TAFA1: variants seen among roughly 807,000 people sequenced by gnomAD.
TAFA1 encodes TAFA chemokine like family member 1, also known as chemokine-like protein TAFA-1.
TAFA1 carries 4 observed loss-of-function variants against 18.5 expected under a neutral mutation model. That is an observed-to-expected ratio of 0.22 (90% CI 0.11 to 0.49). The LOEUF (loss-of-function observed/expected upper bound fraction) is 0.49, where lower values mean the gene tolerates loss of function less well. Ranked by LOEUF, TAFA1 falls within the 20% of genes least tolerant of loss-of-function variation. TAFA1 has a pLI of 0.98. For missense variants in TAFA1, 147 were observed against 169.0 expected (o/e 0.87, Z 0.72); for synonymous variants, 56 against 55.2 (o/e 1.01, Z -0.06).
At chr3:68,193,884 T>C (rs1381652677) in intron 2 of TAFA1, among the ~76,000 whole-genome samples, 1 of 151,716 alleles carries the variant, frequency 6.6e-6, no homozygotes, top group Non-Finnish European at 1.5e-5. Flanking sequence ...TGTAGGTTTG[T>C]GGGTTTGCAG....
chr3:68,226,227 G>T (rs1233048178), intron 2 of TAFA1, among the ~76,000 whole-genome samples: 1 of 152,140 alleles, frequency 6.6e-6, no homozygotes, highest in Admixed American at 6.5e-5. Flanking sequence ...ATGATTTTGT[G>T]CCATATGCCA....
At chr3:68,511,309 A>G (rs1349806319) in intron 3 of TAFA1, among the ~76,000 whole-genome samples, 1 of 152,182 alleles carries the variant, frequency 6.6e-6, no homozygotes, top group Non-Finnish European at 1.5e-5. Flanking sequence ...ATGTGCAAAT[A>G]CTACTATTAG....
chr3:68,062,269 C>A (rs929414438), intron 2 of TAFA1, among the ~76,000 whole-genome samples: 3 of 152,134 alleles, frequency 2.0e-5, no homozygotes, highest in Non-Finnish European at 2.9e-5. Context: ...GAAACTGAAG[C>A]TCCTATGCTT....
At chr3:68,227,687 C>A (rs2066819354) in intron 2 of TAFA1, among the ~76,000 whole-genome samples, 1 of 152,200 alleles carries the variant, frequency 6.6e-6, no homozygotes, top group South Asian at 2.1e-4. Context: ...ATGGACTAGA[C>A]TGTTGGCTTT....
At chr3:68,514,779 G>T (rs1035896546) in intron 3 of TAFA1, among the ~76,000 whole-genome samples, 8 of 151,626 alleles carry the variant, frequency 5.3e-5, no homozygotes, top group Non-Finnish European at 7.4e-5. Flanking sequence ...GAAAATTATT[G>T]GTTGGCTTAG....
chr3:68,220,361 A>C (rs753134268), intron 2 of TAFA1, among the ~76,000 whole-genome samples: 45 of 152,180 alleles, frequency 3.0e-4, no homozygotes, highest in Non-Finnish European at 6.0e-4. Context: ...AATCTCACAG[A>C]TAAGGGGGCA....
chr3:68,026,006 G>T (rs1369097906), intron 2 of TAFA1, among the ~76,000 whole-genome samples: 1 of 152,052 alleles, frequency 6.6e-6, no homozygotes, highest in Non-Finnish European at 1.5e-5. Context: ...GCAAAAAGAA[G>T]GCTCTTAATA....
chr3:68,071,583 G>A (rs1222197159), intron 2 of TAFA1, among the ~76,000 whole-genome samples: 6 of 152,190 alleles, frequency 3.9e-5, no homozygotes, highest in Non-Finnish European at 8.8e-5. Flanking sequence ...TCCAGCTCTC[G>A]TGCCAGCTCT....
chr3:68,065,728 A>G (rs1218582506), intron 2 of TAFA1, among the ~76,000 whole-genome samples: 1 of 142,382 alleles, frequency 7.0e-6, no homozygotes, highest in African/African-American at 2.6e-5. Context: ...GTTTGTGTGT[A>G]TGTGTGTGTG....
intron 2 of TAFA1, among the ~76,000 whole-genome samples, chr3:68,122,613 A>G (rs1363675402): frequency 1.3e-5 from 2 of 152,238 alleles, no homozygotes; most frequent in Non-Finnish European, 2.9e-5. Context: ...ATTCAATGTC[A>G]AGATAAACCT....
intron 2 of TAFA1, among the ~76,000 whole-genome samples, chr3:68,119,175 T>G (rs2106853946): frequency 6.6e-6 from 1 of 152,264 alleles, no homozygotes; most frequent in Admixed American, 6.5e-5. Context: ...TTGTATATCT[T>G]CTTTGGAGAA....
intron 2 of TAFA1, among the ~76,000 whole-genome samples, chr3:68,061,264 T>A (rs1480411140): frequency 6.6e-6 from 1 of 152,200 alleles, no homozygotes; most frequent in Admixed American, 6.6e-5. Flanking sequence ...TTGAGAGTTG[T>A]GTTTTCATCT....
chr3:68,295,096 C>G (rs1046322711), intron 2 of TAFA1, among the ~76,000 whole-genome samples: 1 of 152,182 alleles, frequency 6.6e-6, no homozygotes, highest in African/African-American at 2.4e-5. Context: ...CCCCTTCGCT[C>G]AACCTCCTGA....
chr3:68,263,283 T>C (rs897746208), intron 2 of TAFA1, among the ~76,000 whole-genome samples: 3 of 152,230 alleles, frequency 2.0e-5, no homozygotes, highest in Non-Finnish European at 2.9e-5. Flanking sequence ...GATTTGCTAA[T>C]ACCTGACATA....
chr3:68,029,725 T>G (rs918351070), intron 2 of TAFA1, among the ~76,000 whole-genome samples: 35 of 152,238 alleles, frequency 2.3e-4, no homozygotes, highest in Non-Finnish European at 1.0e-4. Flanking sequence ...ATGCCTAGAC[T>G]TTAAGTACCA....
chr3:68,529,483 C>T (rs990428065), intron 3 of TAFA1, among the ~76,000 whole-genome samples: 4 of 136,148 alleles, frequency 2.9e-5, no homozygotes, highest in Admixed American at 7.6e-5. Context: ...AAGCTGCTTG[C>T]TTTCAAGAAC....
chr3:68,066,520 G>C (rs919718608), intron 2 of TAFA1, among the ~76,000 whole-genome samples: 1 of 152,276 alleles, frequency 6.6e-6, no homozygotes, highest in Non-Finnish European at 1.5e-5. Context: ...TGCAGGAATG[G>C]TATATATCTC....
intron 2 of TAFA1, among the ~76,000 whole-genome samples, chr3:68,270,425 G>A (rs1477227242): frequency 6.6e-6 from 1 of 152,154 alleles, no homozygotes; most frequent in Non-Finnish European, 1.5e-5. Context: ...TACACTTGAA[G>A]TTAGAAAATA....
At chr3:68,260,251 T>C (rs1229991729) in intron 2 of TAFA1, among the ~76,000 whole-genome samples, 11 of 152,154 alleles carry the variant, frequency 7.2e-5, no homozygotes, top group Admixed American at 2.6e-4. Context: ...TATTGATTTG[T>C]GTATGTTGAA....
Sources: allele counts gnomAD v4.1 joint callset (sites outside exome capture counted in the v4.1 genomes callset), GRCh38; gene constraint gnomAD v4.1.1; transcripts MANE v1.5; gene names NCBI Gene and HGNC (gene_info 2026-07-23, HGNC 2026-07-21).